Variants in BDH2 observed in about 807,000 individuals in gnomAD.
BDH2 encodes dehydrogenase/reductase SDR family member 6.
A neutral mutation model predicts 33.2 loss-of-function variants in BDH2; 24 were observed. That is an observed-to-expected ratio of 0.72 (90% confidence interval 0.52 to 1.02). The LOEUF (loss-of-function observed/expected upper bound fraction) is 1.02, where lower values mean the gene tolerates loss of function less well. BDH2 is among the 50% of genes least tolerant of loss of function. The pLI is 0.00. For synonymous variants in BDH2, 81 were observed against 101.6 expected (o/e 0.80, Z 1.22); for missense variants, 249 against 301.6 (o/e 0.83, Z 1.29).
chr4:103,092,673 C>G lies in BDH2; in HGVS notation c.175G>C (p.Val59Leu). 1 of 1,612,308 alleles carries G rather than the reference C, an allele frequency of 6.2e-7. No individual in the cohort carries two copies. Among genetic ancestry groups the G allele is most frequent in the Non-Finnish European group, 8.5e-7 (1 of 1,178,614 alleles). ...TGATCAATTTGTTTCTTCTTTGTGA[C>G]ATCAAGGACACGAGTTTGAATACCT... ...YPGIQTRVLDVTKKKQIDQFA... is the reference protein window; with the variant it reads ...YPGIQTRVLDLTKKKQIDQFA... Residue 59 changes from valine (V) to leucine (L), a missense_variant, in exon 4 of 10, where the codon GTC (valine) becomes CTC (leucine). Transcript: ENST00000296424.
At chr4:103,083,060 C>A in intron 7 of BDH2, 131 bp from the exon 8 acceptor site, 2 of 770,362 alleles carry the variant, frequency 2.6e-6, no homozygotes, top group Admixed American at 2.0e-5. Context: ...TTTACAGCTG[C>A]CTGCCTGAGG....
intron 6 of BDH2, chr4:103,085,761 G>T: frequency 7.4e-7 from 1 of 1,345,370 alleles, no homozygotes; most frequent in South Asian, 1.2e-5. Flanking sequence ...GATTCCAAAA[G>T]AAAATGAAGA....
intron 7 of BDH2, among the ~76,000 whole-genome samples, chr4:103,083,892 C>A (rs1166625913): frequency 6.6e-6 from 1 of 152,080 alleles, no homozygotes; most frequent in African/African-American, 2.4e-5. Flanking sequence ...TTTTGGAACC[C>A]CCTCTTTAGG....
At chr4:103,091,592 G>A (rs558154958) in intron 4 of BDH2, 4 of 394,514 alleles carry the variant, frequency 1.0e-5, no homozygotes, top group East Asian at 7.1e-5. Flanking sequence ...AAATAAAGGC[G>A]AACAGGGCTA....
intron 7 of BDH2, among the ~76,000 whole-genome samples, chr4:103,085,082 G>A (rs951675650): frequency 1.3e-5 from 2 of 152,198 alleles, no homozygotes; most frequent in Non-Finnish European, 2.9e-5. Flanking sequence ...TACGGTTATT[G>A]TGAAAATGAG....
Position 103,086,474 on chromosome 4 carries a change from A to G in BDH2, c.418+6T>C. 6.2e-7 allele frequency: 1 copy of G among 1,612,284 alleles called. No individual in the cohort carries two copies. Among genetic ancestry groups the G allele is most frequent in the Non-Finnish European group, 8.5e-7 (1 of 1,179,546 alleles). ...CATCGCAGTCCTCGGAAGGAGACAGACCCACCTTTGACGCTGGAAGCCACA... is the reference window on the plus strand; with the variant it reads ...CATCGCAGTCCTCGGAAGGAGACAGGCCCACCTTTGACGCTGGAAGCCACA... On this transcript the variant is annotated splice_donor_region_variant and intron_variant, in intron 6 of 9. Transcript: ENST00000296424.
Position 103,079,645 on chromosome 4 carries a change from C to G in BDH2, c.*57G>C. The stretch of plus-strand genomic sequence containing the variant: ...ATGATTGGTGAGTTTTCTTCGTAAC[C>G]AGGTTCACTGTGGATAGGAAGGGCC... On this transcript the variant is annotated 3_prime_UTR_variant, in exon 10 of 10. Transcript: ENST00000296424. 6.5e-7 allele frequency: 1 copy of G among 1,535,102 alleles called. No individual in the cohort carries two copies. Among genetic ancestry groups the G allele is most frequent in the Non-Finnish European group, 9.0e-7 (1 of 1,110,874 alleles).
At chr4:103,092,508 A>G in intron 4 of BDH2, 92 bp downstream of exon 4, 1 of 824,514 alleles carries the variant, frequency 1.2e-6, no homozygotes, top group Non-Finnish European at 2.0e-6. Context: ...ATGGTTCACA[A>G]TGAATGATTT....
intron 9 of BDH2, among the ~76,000 whole-genome samples, chr4:103,080,801 C>G (rs1027312808): frequency 1.3e-5 from 2 of 152,206 alleles, no homozygotes; most frequent in African/African-American, 4.8e-5. Flanking sequence ...ATCAGCAGTA[C>G]CCAAATCAAA....
intron 9 of BDH2, 108 bp downstream of exon 9, chr4:103,081,973 C>T (rs1019005451): frequency 2.3e-6 from 2 of 856,958 alleles, no homozygotes; most frequent in African/African-American, 3.3e-5. Flanking sequence ...AATGTAGCAT[C>T]TTAGCACATA....
chr4:103,092,521 C>T, intron 4 of BDH2, 79 bp downstream of exon 4: 1 of 943,814 alleles, frequency 1.1e-6, no homozygotes, highest in Admixed American at 2.1e-5. Flanking sequence ...AATGATTTTG[C>T]CACATTATGA....
chr4:103,091,755 A>AG (rs1195864790), intron 4 of BDH2: 3 of 455,824 alleles, frequency 6.6e-6, no homozygotes, highest in Non-Finnish European at 1.3e-5. Flanking sequence ...AGAAAAAAAA[A>AG]AGAGAGAGAG....
intron 7 of BDH2, among the ~76,000 whole-genome samples, chr4:103,084,635 C>T (rs1000091951): frequency 4.6e-5 from 7 of 152,154 alleles, no homozygotes; most frequent in African/African-American, 1.7e-4. Flanking sequence ...ATGAAATGAC[C>T]TCTCATGCAT....
At chr4:103,091,708 GC>G (rs1189599600) in intron 4 of BDH2, 1 of 455,868 alleles carries the variant, frequency 2.2e-6, no homozygotes, top group East Asian at 7.0e-5. Context: ...TCATTCCACT[GC>G]CCTCTAGCCT....
In BDH2 at chr4:103,095,847, A is replaced by G. The variant is rs139572343; in HGVS notation, c.72+336T>C. ...CTTATAACTCTGGAGTCATATATCTAAACTGACACAATTTCAGAAAGCTGT... is the reference window on the plus strand; with the variant it reads ...CTTATAACTCTGGAGTCATATATCTGAACTGACACAATTTCAGAAAGCTGT... On this transcript the variant is annotated intron_variant, in intron 2 of 9. Transcript: ENST00000296424. Among the ~76,000 whole-genome samples the G allele has an allele frequency of 3.9e-3, 594 of 152,322 alleles. 5 individuals are homozygous for G. Among genetic ancestry groups the G allele is most frequent in the African/African-American group, 0.014 (578 of 41,578 alleles).
At chr4:103,082,043 T>C (rs537866809) in intron 9 of BDH2, 38 bp downstream of exon 9, 1 of 1,541,984 alleles carries the variant, frequency 6.5e-7, no homozygotes, top group East Asian at 2.2e-5. Context: ...CCAAATGTGA[T>C]TGAGGGTAAT....
At chr4:103,092,538 T>C in intron 4 of BDH2, 62 bp downstream of exon 4, 1 of 1,168,082 alleles carries the variant, frequency 8.6e-7, no homozygotes, top group Non-Finnish European at 1.3e-6. Context: ...ATGAAAATTC[T>C]TTGAATGAAA....
chr4:103,094,578 C>T (rs1283984506), intron 3 of BDH2, among the ~76,000 whole-genome samples: 3 of 151,300 alleles, frequency 2.0e-5, no homozygotes, highest in African/African-American at 7.3e-5. Flanking sequence ...TCAATTATAC[C>T]TCAAAGAAGA....
intron 5 of BDH2, among the ~76,000 whole-genome samples, chr4:103,087,077 C>G (rs1042633062): frequency 1.3e-5 from 2 of 152,116 alleles, no homozygotes; most frequent in Non-Finnish European, 2.9e-5. Flanking sequence ...CTGGGCGACA[C>G]TCAGAGGGGA....
Sources: gnomAD v4.1 joint callset for allele counts (sites outside exome capture counted in the v4.1 genomes callset) on GRCh38, gnomAD v4.1.1 for gene constraint, MANE v1.5 for transcripts, NCBI Gene and HGNC (gene_info 2026-07-23, HGNC 2026-07-21) for gene names.